TP73: variants seen among roughly 807,000 people sequenced by gnomAD.
TP73 encodes p53-like transcription factor.
In TP73, 25 loss-of-function variants were observed where a neutral mutation model predicts 62.5. The observed-to-expected ratio is 0.40, with a 90% confidence interval of 0.29 to 0.56. The LOEUF (loss-of-function observed/expected upper bound fraction) is 0.56. Ranked by LOEUF, TP73 falls within the 20% of genes least tolerant of loss-of-function variation. The pLI, the probability that TP73 is intolerant of heterozygous loss-of-function variation, is 0.46. For synonymous variants in TP73, 423 were observed against 377.5 expected, an observed-to-expected ratio of 1.12 and a Z score of -1.40; for missense variants, 754 against 913.3, an observed-to-expected ratio of 0.83 and a Z score of 2.25.
chr1:3,702,727 A>G (rs2124356620), intron 3 of TP73, among the ~76,000 whole-genome samples: 1 of 152,344 alleles, frequency 6.6e-6, no homozygotes, highest in East Asian at 1.9e-4. Context: ...TCCTTGGGTC[A>G]GGCCCAGGAG....
chr1:3,727,445 C>A, intron 7 of TP73, 183 bp from the exon 8 acceptor site: 3 of 1,010,198 alleles, frequency 3.0e-6, no homozygotes, highest in Non-Finnish European at 2.9e-6. Context: ...GGTCTCAGGG[C>A]AGCCTCACAG....
At position 3,683,167 on chromosome 1, in the gene TP73, C is replaced by G. The variant is rs777629878; in HGVS notation, c.173C>G (p.Thr58Ser). 1.2e-5 allele frequency: 19 copies of G among 1,609,012 alleles called. No homozygotes were observed. The highest frequency in any genetic ancestry group is 1.6e-5 in the Non-Finnish European group (19 of 1,177,364). ...SMDVFHLEGM[T>S]TSVMAQFNLL... is the part of the protein sequence containing the mutation. Reference sequence around the variant, plus strand: ...GACGTCTTCCACCTGGAGGGCATGACTACATCTGTCATGGTGAGTGGGGGG... The same window carrying G: ...GACGTCTTCCACCTGGAGGGCATGAGTACATCTGTCATGGTGAGTGGGGGG... Residue 58 changes from threonine (T) to serine (S), a missense_variant, in exon 3 of 14, where the codon ACT becomes AGT. Thr to Ser is a moderately conservative substitution (Grantham distance 58, BLOSUM62 1). This residue lies in a region of TP73 where 235 missense variants were observed against 251.4 expected (regional missense o/e 0.93). Transcript: ENST00000378295.
intron 2 of TP73, 140 bp from the exon 3 acceptor site, chr1:3,682,920 G>T: frequency 8.5e-7 from 1 of 1,175,314 alleles, no homozygotes; most frequent in East Asian, 2.5e-5. Flanking sequence ...GGACAGAGAT[G>T]GGATGAGAGG....
Position 3,698,050 on chromosome 1 carries a change from T to C in TP73, c.187-9499T>C, listed in dbSNP as rs977171217. 1.1e-5 allele frequency: 11 copies of C among 984,182 alleles called. No individual in the cohort carries two copies. In the Admixed American group the frequency reaches 3.1e-4, roughly 27 times the overall value. 61.0% of individuals were successfully genotyped at this position (984,182 alleles called of 1,614,324 possible). A position where few individuals can be genotyped will look rare whatever the true frequency, so the allele number is the denominator to read the frequency against. On this transcript the variant is annotated intron_variant, in intron 3 of 13. Transcript: ENST00000378295. ...CCCATTCTCGGCTCAGCCACTAATGTGTGCTGGAAGGTGTCCAGGAAGCCC... is the reference window on the plus strand; with the variant it reads ...CCCATTCTCGGCTCAGCCACTAATGCGTGCTGGAAGGTGTCCAGGAAGCCC...
At chr1:3,728,964 G>C (rs1016604619) in intron 9 of TP73, among the ~76,000 whole-genome samples, 2 of 151,628 alleles carry the variant, frequency 1.3e-5, no homozygotes, top group East Asian at 3.9e-4. Context: ...CTCTAGCCTA[G>C]GCGACAGAGC....
rs113359072 is a variant in TP73 at position 3,661,702 on chromosome 1, T to C, written c.-34+9061T>C. Reference sequence around the variant, plus strand: ...TCCAGCCTGAGCAACAAACTGTATATACACACACATGTATTTTGTGTATAT... The same window carrying C: ...TCCAGCCTGAGCAACAAACTGTATACACACACACATGTATTTTGTGTATAT... On this transcript the variant is annotated intron_variant, in intron 1 of 13. Coordinates refer to ENST00000378295, the MANE Select transcript of TP73 (RefSeq NM_005427.4). 2.4e-3 allele frequency among the ~76,000 whole-genome samples: 304 copies of C among 128,392 alleles called. 1 individual carries two copies. The highest frequency in any genetic ancestry group is 8.3e-3 in the African/African-American group (270 of 32,656). 84.2% of individuals were successfully genotyped at this position (128,392 alleles called of 152,430 possible). A position where few individuals can be genotyped will look rare whatever the true frequency, so the allele number is the denominator to read the frequency against.
chr1:3,727,482 G>A, intron 7 of TP73, 146 bp from the exon 8 acceptor site: 1 of 1,226,824 alleles, frequency 8.2e-7, no homozygotes, highest in Non-Finnish European at 1.1e-6. Flanking sequence ...CCCTCTAGCG[G>A]GAACACTCGC....
intron 6 of TP73, among the ~76,000 whole-genome samples, chr1:3,724,626 G>A (rs1423384706): frequency 6.6e-6 from 1 of 152,234 alleles, no homozygotes; most frequent in Non-Finnish European, 1.5e-5. Flanking sequence ...TTCTGAGAAA[G>A]GCCAAGATTT....
At chr1:3,667,713 G>A (rs943990773) in intron 1 of TP73, among the ~76,000 whole-genome samples, 3 of 148,036 alleles carry the variant, frequency 2.0e-5, no homozygotes, top group African/African-American at 7.6e-5. Flanking sequence ...TGGAGCCACT[G>A]CACTCCAGCC....
rs937898012 is a variant in TP73 at position 3,663,599 on chromosome 1, C to T, written c.-34+10958C>T. Among the ~76,000 whole-genome samples, 1 of 151,886 alleles carries T rather than the reference C, an allele frequency of 6.6e-6. No homozygotes were observed. The highest frequency in any genetic ancestry group is 2.4e-5 in the African/African-American group (1 of 41,350). On this transcript the variant is annotated intron_variant, in intron 1 of 13. Transcript: ENST00000378295. This position sits in a 1 kb window ranked among gnomAD's most constrained non-coding sequence, Gnocchi z 4.7. ...GGCGTGGTGGCGGGCGCCTGTAGTCCCAGCTACTCGGGAGGCTGAGGCAGG... is the reference window on the plus strand; with the variant it reads ...GGCGTGGTGGCGGGCGCCTGTAGTCTCAGCTACTCGGGAGGCTGAGGCAGG...
chr1:3,723,149 G>T (rs1210408152), intron 5 of TP73, among the ~76,000 whole-genome samples: 1 of 142,950 alleles, frequency 7.0e-6, no homozygotes, highest in African/African-American at 2.7e-5. Flanking sequence ...GCACCTCTCT[G>T]TGCCTGGCAC....
chr1:3,695,266 G>A (rs372400593), intron 3 of TP73, among the ~76,000 whole-genome samples: 2 of 152,340 alleles, frequency 1.3e-5, no homozygotes, highest in South Asian at 4.1e-4. Context: ...ACACCCAGGA[G>A]TCTCCCTGAC....
chr1:3,686,146 G>A (rs1270071596), intron 3 of TP73, among the ~76,000 whole-genome samples: 1 of 152,220 alleles, frequency 6.6e-6, no homozygotes. Flanking sequence ...CTCAGGGGCG[G>A]GTCTGGGACT....
rs577145327 is a variant in TP73 at position 3,734,475 on chromosome 1, G to C, written c.*1396G>C. The C allele has an allele frequency of 5.3e-5, 8 of 152,352 alleles. No homozygotes were observed. Among genetic ancestry groups the C allele is most frequent in the African/African-American group, 1.9e-4 (8 of 41,568 alleles). 9.4% of individuals were successfully genotyped at this position (152,352 alleles called of 1,614,324 possible). A position where few individuals can be genotyped will look rare whatever the true frequency, so the allele number is the denominator to read the frequency against. ...ATGGGAGCCCTCACCCACGCAAGCCGAGACACCACCCAGAGTGCAGGCTGC... is the reference window on the plus strand; with the variant it reads ...ATGGGAGCCCTCACCCACGCAAGCCCAGACACCACCCAGAGTGCAGGCTGC... On this transcript the variant is annotated 3_prime_UTR_variant, in exon 14 of 14. Transcript: ENST00000378295. The surrounding 1 kb of genome is among the most constrained non-coding windows in gnomAD (Gnocchi z 4.4).
At chr1:3,730,185 C>A (rs534474715) in intron 11 of TP73, 37 bp downstream of exon 11, 4 of 1,479,584 alleles carry the variant, frequency 2.7e-6, no homozygotes, top group East Asian at 2.5e-5. Context: ...ACGGGCAGGG[C>A]GGGGAGGCCC....
rs772328379 is a variant in TP73 at position 3,735,909 on chromosome 1, C to G, written c.*2830C>G. ...CCTTGCTGTACCCAGGAGCCCGACC[C>G]GCAGTATCCTGGCACAGAGCCACTT... On this transcript the variant is annotated 3_prime_UTR_variant, in exon 14 of 14. Transcript: ENST00000378295. 1.3e-5 allele frequency: 2 copies of G among 152,304 alleles called. No homozygotes were observed. Among genetic ancestry groups the G allele is most frequent in the African/African-American group, 4.8e-5 (2 of 41,564 alleles). 9.4% of individuals were successfully genotyped at this position (152,304 alleles called of 1,614,324 possible).
intron 1 of TP73, among the ~76,000 whole-genome samples, chr1:3,654,539 G>A (rs1429512341): frequency 2.6e-5 from 4 of 152,196 alleles, no homozygotes; most frequent in Non-Finnish European, 4.4e-5. Flanking sequence ...CTGCAGAGTC[G>A]GGTAATAGTA....
At chr1:3,655,386 C>T (rs935570767) in intron 1 of TP73, among the ~76,000 whole-genome samples, 3 of 152,088 alleles carry the variant, frequency 2.0e-5, no homozygotes, top group Admixed American at 6.5e-5. Flanking sequence ...GACTCTGTCT[C>T]AAAAAAACAC....
rs182288990 is a variant in TP73, at chr1:3,721,178, C to T, written c.430-843C>T. Among the ~76,000 whole-genome samples, 384 of 152,352 alleles carry T rather than the reference C, an allele frequency of 2.5e-3. 8 individuals carry two copies. The highest frequency in any genetic ancestry group is 0.022 in the Admixed American group (334 of 15,312). ...GGTCACTTTTAGAACTCATGAGAGC[C>T]GGCCTGGGTCCTCAGATGGGCAGCC... On this transcript the variant is annotated intron_variant, in intron 4 of 13. Transcript: ENST00000378295.
Sources: gnomAD v4.1 joint callset for allele counts (sites outside exome capture counted in the v4.1 genomes callset) on GRCh38, gnomAD v4.1.1 for gene constraint, gnomAD v4.1.1 regional missense constraint, Gnocchi (gnomAD v3.1) non-coding constraint, MANE v1.5 for transcripts, NCBI Gene and HGNC (gene_info 2026-07-23, HGNC 2026-07-21) for gene names.